The following GGT1 variants were observed in gnomAD, a reference collection of about 807,000 sequenced individuals.
GGT1 encodes the protein glutathione hydrolase 1 proenzyme.
In GGT1, 21 loss-of-function variants were observed where a neutral mutation model predicts 56.0. That is an observed-to-expected ratio of 0.38 (90% CI 0.27 to 0.54). The LOEUF (loss-of-function observed/expected upper bound fraction) is 0.54, where lower values mean the gene tolerates loss of function less well. GGT1 is among the 20% of genes least tolerant of loss of function. The probability of loss-of-function intolerance (pLI) is 0.82; values close to 1 mark genes in which losing one functional copy is unlikely to be tolerated. For synonymous variants in GGT1, 238 were observed against 342.6 expected, an observed-to-expected ratio of 0.69 and a Z score of 3.37; for missense variants, 466 against 787.0, an observed-to-expected ratio of 0.59 and a Z score of 4.88.
chr22:24,598,049 TG>T (rs1280956847), intron 1 of GGT1: 1 of 152,244 alleles, frequency 6.6e-6, no homozygotes, highest in African/African-American at 2.4e-5. Context: ...CAGGGAGACC[TG>T]TTTATCGGTT....
chr22:24,611,554 CTATCT>C (rs1430654512), intron 5 of GGT1, among the ~76,000 whole-genome samples: 1,204 of 62,926 alleles, frequency 0.019, 12 homozygotes, highest in African/African-American at 0.048. Context: ...ATCTATCTAT[CTATCT>C]ATCTATCTAT....
chr22:24,602,046 C>CA (rs2045791138), upstream of GGT1, among the ~76,000 whole-genome samples: 1 of 151,950 alleles, frequency 6.6e-6, no homozygotes. Context: ...CCAGGGCTCT[C>CA]AAAGTCCACA....
chr22:24,600,548 G>C (rs147802039), upstream of GGT1, among the ~76,000 whole-genome samples: 325 of 152,336 alleles, frequency 2.1e-3, 3 homozygotes, highest in African/African-American at 7.4e-3. Flanking sequence ...TCTGTGTCCT[G>C]ACATCACAGG....
the GGT1 span, chr22:24,589,619 A>G: frequency 6.2e-6 from 4 of 640,404 alleles, no homozygotes; most frequent in South Asian, 9.3e-5. Context: ...GGGTCCTGCA[A>G]AGCACAGCTC....
At chr22:24,619,872 C>T (rs1281573190) in intron 7 of GGT1, among the ~76,000 whole-genome samples, 67 of 150,518 alleles carry the variant, frequency 4.5e-4, no homozygotes, top group Non-Finnish European at 7.2e-4. Flanking sequence ...CAGGCACCTG[C>T]ACAGACAGAC....
Position 24,628,627 on chromosome 22 carries a change from C to G in GGT1, c.1564-66C>G. 4.3e-6 allele frequency: 7 copies of G among 1,610,950 alleles called. No individual in the cohort carries two copies. Among genetic ancestry groups the G allele is most frequent in the Non-Finnish European group, 5.1e-6 (6 of 1,179,850 alleles). On this transcript the variant is annotated intron_variant, in intron 15 of 15. Coordinates refer to ENST00000400382, the MANE Select transcript of GGT1 (RefSeq NM_001288833.2). The surrounding 1 kb of genome is among the most constrained non-coding windows in gnomAD (Gnocchi z 5.7). ...CACCACCTGGGCTGAGGCCTGTGAC[C>G]ACACAGATGTGGTTCAGGTGGCATC...
intron 7 of GGT1, among the ~76,000 whole-genome samples, chr22:24,617,443 G>T (rs868133981): frequency 2.6e-5 from 4 of 152,184 alleles, no homozygotes; most frequent in Non-Finnish European, 4.4e-5. Context: ...TGTGTAAGGG[G>T]CAGGGAGCAT....
At chr22:24,588,526 C>T in the GGT1 span, 6 of 764,378 alleles carry the variant, frequency 7.8e-6, no homozygotes, top group East Asian at 5.7e-5. Context: ...GGAGGCTGCC[C>T]TCTGGGAGCT....
chr22:24,589,304 G>A, the GGT1 span: 34 of 1,206,716 alleles, frequency 2.8e-5, no homozygotes, highest in Middle Eastern at 2.5e-4. Context: ...CTCCACCCCA[G>A]CAAGGAGGAG....
At chr22:24,623,355 C>A in intron 10 of GGT1, 99 bp downstream of exon 10, 5 of 1,335,674 alleles carry the variant, frequency 3.7e-6, no homozygotes, top group Non-Finnish European at 4.2e-6. Context: ...CCCCATGCCA[C>A]GTCTTTCCAT....
At chr22:24,611,318 C>T (rs901660396) in intron 5 of GGT1, 73 bp downstream of exon 5, 7 of 924,186 alleles carry the variant, frequency 7.6e-6, no homozygotes, top group African/African-American at 1.6e-5. Flanking sequence ...CTTCACCCCC[C>T]TGAGACTCAG....
intron 2 of GGT1, among the ~76,000 whole-genome samples, chr22:24,608,321 G>A (rs1370204913): frequency 1.3e-5 from 2 of 152,200 alleles, no homozygotes; most frequent in African/African-American, 4.8e-5. Context: ...GCCCAGCACT[G>A]CCTACTCCCC....
intron 7 of GGT1, among the ~76,000 whole-genome samples, chr22:24,616,922 G>A (rs535570866): frequency 1.9e-4 from 29 of 152,214 alleles, no homozygotes; most frequent in Admixed American, 4.6e-4. Context: ...AAGAGAATGC[G>A]GGAATCATAG....
chr22:24,627,547 G>C lies in GGT1; in HGVS notation c.1136G>C (p.Gly379Ala), dbSNP rs781743521. The change falls in exon 12 of 16, where the codon GGG becomes GCG. Residue 379 changes from glycine to alanine, a missense_variant. Gly to Ala is a moderately conservative substitution (Grantham distance 60). Transcript: ENST00000400382. Reference protein sequence around the residue: ...YKPEFYTPDDGGTAHLSVVAE... With the variant: ...YKPEFYTPDDAGTAHLSVVAE... ...CCCGAGTTCTACACGCCGGATGACGGGGGCACTGCTCACCTGTCTGTCGTC... is the reference window on the plus strand; with the variant it reads ...CCCGAGTTCTACACGCCGGATGACGCGGGCACTGCTCACCTGTCTGTCGTC... The C allele has an allele frequency of 6.2e-7, 1 of 1,611,624 alleles. No individual in the cohort carries two copies. The highest frequency in any genetic ancestry group is 1.3e-5 in the African/African-American group (1 of 74,746).
intron 5 of GGT1, 62 bp downstream of exon 5, chr22:24,611,307 C>T: frequency 5.1e-6 from 5 of 978,324 alleles, no homozygotes; most frequent in Non-Finnish European, 6.4e-6. Context: ...CTGAGCAATA[C>T]CTTCACCCCC....
At chr22:24,589,535 G>A in the GGT1 span, 1 of 453,726 alleles carries the variant, frequency 2.2e-6, no homozygotes, top group Non-Finnish European at 3.4e-6. Context: ...CCCAGCTATA[G>A]TCTTCCTGGT....
In GGT1 at chr22:24,614,938, G is replaced by A. The variant is rs1368581330; in HGVS notation, c.295+32G>A. 1.9e-6 allele frequency: 3 copies of A among 1,609,960 alleles called. No individual in the cohort carries two copies. In the East Asian group the frequency reaches 6.7e-5, roughly 36 times the overall value. ...GCCTCGGGAGAGGAGAGGGAGAGGG[G>A]CAGGGGGTGTGGGTTGGGCCGAGGC... On this transcript the variant is annotated intron_variant, in intron 6 of 15. Transcript: ENST00000400382.
At chr22:24,597,291 A>G (rs1217814604) in intron 1 of GGT1, among the ~76,000 whole-genome samples, 1 of 152,134 alleles carries the variant, frequency 6.6e-6, no homozygotes, top group Non-Finnish European at 1.5e-5. Flanking sequence ...GGGCTCATTC[A>G]TTCTAATCCC....
At chr22:24,622,942 T>C (rs563283560) in intron 9 of GGT1, among the ~76,000 whole-genome samples, 165 bp from the exon 10 acceptor site, 123 of 152,126 alleles carry the variant, frequency 8.1e-4, no homozygotes, top group Admixed American at 1.4e-3. Context: ...CAGGGCACAG[T>C]CCCACCCCTC....
Sources: allele counts gnomAD v4.1 joint callset (sites outside exome capture counted in the v4.1 genomes callset), GRCh38; gene constraint gnomAD v4.1.1; non-coding constraint Gnocchi (gnomAD v3.1); transcripts MANE v1.5; gene names NCBI Gene and HGNC (gene_info 2026-07-23, HGNC 2026-07-21).